The following NYAP2 variants were observed in gnomAD, a reference collection of about 807,000 sequenced individuals.
NYAP2 encodes the protein neuronal tyrosine-phosphorylated phosphoinositide-3-kinase adaptor 2, also known as neuronal tyrosine-phosphorylated phosphoinositide-3-kinase adapter 2.
Under a neutral mutation model 50.4 loss-of-function variants are expected in NYAP2, and 23 were observed. The ratio of observed to expected loss-of-function variants is 0.46; its 90% CI spans 0.33 to 0.65. The LOEUF is 0.65. Among genes scored for constraint, NYAP2 ranks in the 30% least tolerant of loss-of-function variants. The probability of loss-of-function intolerance (pLI) is 0.02; values close to 1 mark genes in which losing one functional copy is unlikely to be tolerated. For synonymous variants in NYAP2, 394 were observed against 365.2 expected (o/e 1.08, Z -0.90); for missense variants, 885 against 861.0 (o/e 1.03, Z -0.35).
chr2:225,465,921 C>T (rs1689909316), intron 3 of NYAP2, among the ~76,000 whole-genome samples: 1 of 152,136 alleles, frequency 6.6e-6, no homozygotes, highest in African/African-American at 2.4e-5. Context: ...TGCTCTGTTC[C>T]CTAACATTCA....
rs545825728 is a variant in NYAP2 at position 225,555,624 on chromosome 2, C to A, written c.524-26317C>A. On this transcript the variant is annotated intron_variant, in intron 4 of 6. Coordinates refer to ENST00000636099, the Ensembl canonical transcript of NYAP2. ...GCAACTAACAGATCTGGTCCCTGTG[C>A]CAACCAATGCCTAAGTAGGCTTTCC... is the stretch of plus-strand genomic sequence containing the variant. Among the ~76,000 whole-genome samples, 30 of 152,292 alleles carry A rather than the reference C, an allele frequency of 2.0e-4. No homozygotes were observed. In the South Asian group the frequency reaches 3.9e-3, roughly 20 times the overall value.
chr2:225,578,324 C>G (rs1459866610), intron 4 of NYAP2, among the ~76,000 whole-genome samples: 1 of 152,026 alleles, frequency 6.6e-6, no homozygotes. Context: ...GCATTAGGCT[C>G]TCTTCACCAA....
intron 3 of NYAP2, among the ~76,000 whole-genome samples, chr2:225,414,576 C>T (rs116443520): frequency 0.011 from 1,631 of 152,154 alleles, 27 homozygotes; most frequent in African/African-American, 0.037. Context: ...GAACCATTGA[C>T]ACACTCAGGA....
chr2:225,637,299 A>G (rs1433097449), intron 6 of NYAP2, among the ~76,000 whole-genome samples: 3 of 152,160 alleles, frequency 2.0e-5, no homozygotes, highest in Non-Finnish European at 4.4e-5. Flanking sequence ...CGCAACAGGA[A>G]CAGCAAACCA....
chr2:225,466,125 A>G (rs949289130), intron 3 of NYAP2, among the ~76,000 whole-genome samples: 2 of 152,246 alleles, frequency 1.3e-5, no homozygotes, highest in Non-Finnish European at 2.9e-5. Flanking sequence ...TTGTGCTGTC[A>G]TAACACACCA....
intron 5 of NYAP2, among the ~76,000 whole-genome samples, chr2:225,623,518 A>T (rs1031589455): frequency 2.6e-5 from 4 of 152,184 alleles, no homozygotes; most frequent in African/African-American, 9.7e-5. Context: ...TAACGATTTA[A>T]TGACTATAAG....
intron 4 of NYAP2, 38 bp from the exon 5 acceptor site, chr2:225,581,903 T>C (rs755911463): frequency 1.2e-5 from 19 of 1,546,942 alleles, no homozygotes; most frequent in Non-Finnish European, 1.7e-5. Flanking sequence ...ACTTTCCTAT[T>C]ATACTCATCT....
chr2:225,598,331 C>T (rs1026880952), intron 5 of NYAP2, among the ~76,000 whole-genome samples: 2 of 151,960 alleles, frequency 1.3e-5, no homozygotes, highest in African/African-American at 4.8e-5. Flanking sequence ...TGGTTACAAA[C>T]AATTTATCTT....
At chr2:225,699,143 A>T in the NYAP2 span, 3 of 151,926 alleles carry the variant, frequency 2.0e-5, no homozygotes, top group Non-Finnish European at 4.4e-5. Context: ...AGTTACATTG[A>T]CAACAATATT....
At chr2:225,502,245 C>A (rs571622282) in intron 3 of NYAP2, among the ~76,000 whole-genome samples, 3 of 151,930 alleles carry the variant, frequency 2.0e-5, no homozygotes, top group Non-Finnish European at 4.4e-5. Context: ...CAAAGCCGAG[C>A]GGTAGAGATG....
At chr2:225,517,487 T>C (rs1690956639) in intron 4 of NYAP2, among the ~76,000 whole-genome samples, 1 of 152,200 alleles carries the variant, frequency 6.6e-6, no homozygotes, top group Non-Finnish European at 1.5e-5. Flanking sequence ...AGACTGTACT[T>C]AGGATCAACA....
At chr2:225,491,777 G>C (rs541659560) in intron 3 of NYAP2, among the ~76,000 whole-genome samples, 2 of 152,300 alleles carry the variant, frequency 1.3e-5, no homozygotes, top group African/African-American at 4.8e-5. Context: ...TCTCAGAAAA[G>C]TTTGCCCTGT....
intron 5 of NYAP2, among the ~76,000 whole-genome samples, chr2:225,589,227 C>A (rs548727921): frequency 6.6e-5 from 10 of 151,978 alleles, no homozygotes; most frequent in South Asian, 2.1e-4. Context: ...CTTTATCCAC[C>A]AACTAGGTCT....
At chr2:225,404,947 A>C (rs1694915631) in intron 2 of NYAP2, among the ~76,000 whole-genome samples, 1 of 152,014 alleles carries the variant, frequency 6.6e-6, no homozygotes, top group Non-Finnish European at 1.5e-5. Flanking sequence ...TCCCTGACAC[A>C]AATTTTAAAT....
At chr2:225,492,956 T>A (rs721861) in intron 3 of NYAP2, among the ~76,000 whole-genome samples, 27,886 of 151,902 alleles carry the variant, frequency 0.18, 3,084 homozygotes, top group African/African-American at 0.31. Flanking sequence ...GGCAGAGGAA[T>A]GTGTGCTCTG....
intron 4 of NYAP2, among the ~76,000 whole-genome samples, chr2:225,559,197 G>A (rs570902237): frequency 1.3e-5 from 2 of 152,118 alleles, no homozygotes; most frequent in South Asian, 2.1e-4. Flanking sequence ...ACTTATTTGA[G>A]TCTTGTCTTT....
At chr2:225,681,834 A>G in the NYAP2 span, among the ~76,000 whole-genome samples, 1 of 152,122 alleles carries the variant, frequency 6.6e-6, no homozygotes, top group Non-Finnish European at 1.5e-5. Flanking sequence ...TCTTATTCAC[A>G]GAGCCTCAGT....
At chr2:225,508,707 C>T (rs1690755619) in intron 3 of NYAP2, among the ~76,000 whole-genome samples, 1 of 152,146 alleles carries the variant, frequency 6.6e-6, no homozygotes, top group South Asian at 2.1e-4. Flanking sequence ...CAGGGAAAGC[C>T]AGCCATAAAG....
chr2:225,425,318 C>CTG (rs908497294), intron 3 of NYAP2, among the ~76,000 whole-genome samples: 2 of 152,076 alleles, frequency 1.3e-5, no homozygotes, highest in African/African-American at 4.8e-5. Context: ...GTGTGTGTGA[C>CTG]TGTGTGTGTG....
Sources: allele counts gnomAD v4.1 joint callset (sites outside exome capture counted in the v4.1 genomes callset), GRCh38; gene constraint gnomAD v4.1.1; transcripts MANE v1.5; gene names NCBI Gene and HGNC (gene_info 2026-07-23, HGNC 2026-07-21).